The following CRTC3 variants were observed in gnomAD, a reference collection of about 807,000 sequenced individuals.
CRTC3 encodes the protein CREB regulated transcription coactivator 3.
CRTC3 carries 26 observed loss-of-function variants against 74.5 expected under a neutral mutation model. That is an observed-to-expected ratio of 0.35 (90% confidence interval 0.26 to 0.48). The LOEUF is 0.48. CRTC3 is among the 20% of genes least tolerant of loss of function. The pLI is 0.99. For missense variants in CRTC3, 760 were observed against 787.3 expected (o/e 0.97, Z 0.41); for synonymous variants, 377 against 325.8 (o/e 1.16, Z -1.69).
intron 2 of CRTC3, among the ~76,000 whole-genome samples, chr15:90,569,789 A>C (rs1967218562): frequency 6.6e-6 from 1 of 152,012 alleles, no homozygotes. Flanking sequence ...TATATTGCCT[A>C]GGCTGACATC....
intron 2 of CRTC3, among the ~76,000 whole-genome samples, chr15:90,566,801 C>G (rs1390720737): frequency 6.6e-6 from 1 of 151,450 alleles, no homozygotes; most frequent in African/African-American, 2.4e-5. Flanking sequence ...ACATCCACCT[C>G]CCAAGTTCAA....
intron 4 of CRTC3, 98 bp downstream of exon 4, chr15:90,602,483 A>G: frequency 2.7e-6 from 2 of 729,704 alleles, no homozygotes; most frequent in Non-Finnish European, 4.8e-6. Context: ...TTTCTAATAT[A>G]AAGCATAGAA....
intron 2 of CRTC3, among the ~76,000 whole-genome samples, chr15:90,549,704 CTT>C (rs11322295): frequency 1.4e-3 from 157 of 110,026 alleles, no homozygotes; most frequent in Non-Finnish European, 1.7e-3. Flanking sequence ...TATTCTTTTT[CTT>C]TTTTTTTTTT....
intron 5 of CRTC3, among the ~76,000 whole-genome samples, chr15:90,605,244 G>A (rs1050518602): frequency 1.3e-5 from 2 of 152,008 alleles, no homozygotes; most frequent in Non-Finnish European, 1.5e-5. Flanking sequence ...AGAGAGAGAC[G>A]CTGTCTCAAA....
Position 90,629,920 on chromosome 15 carries a change from C to T in CRTC3, c.1266+388C>T, listed in dbSNP as rs551269611. Among the ~76,000 whole-genome samples, 118 of 152,124 alleles carry T rather than the reference C, an allele frequency of 7.8e-4. No individual in the cohort carries two copies. The South Asian group carries it at 0.01, about 13-fold the overall frequency. On this transcript the variant is annotated intron_variant, in intron 11 of 14. Coordinates refer to ENST00000268184, the MANE Select transcript of CRTC3 (RefSeq NM_022769.5). ...TGATTTTTTTGTAGAGACAAGTTCT[C>T]GATATGTTGCCCAAGCTGGTCTCAA...
intron 1 of CRTC3, among the ~76,000 whole-genome samples, chr15:90,535,982 T>G (rs1456420670): frequency 6.6e-6 from 1 of 152,256 alleles, no homozygotes; most frequent in Non-Finnish European, 1.5e-5. Context: ...ATTTCCCTCA[T>G]AAGGATCTTC....
rs139166882 is a variant in CRTC3, at chr15:90,634,787, C to T, written c.1267-3659C>T. The T allele has an allele frequency of 5.1e-5, 64 of 1,264,966 alleles. 1 individual carries two copies. Among genetic ancestry groups the T allele is most frequent in the African/African-American group, 3.8e-4 (26 of 67,690 alleles). The allele number at this position is 1,264,966 out of a possible 1,614,324, so 78.4% of individuals were successfully genotyped here. ...CTGACTGAGTATTGGTTGGAAGGAGCGCTGCTAAAACTGTAACCAAAGGAG... is the reference window on the plus strand; with the variant it reads ...CTGACTGAGTATTGGTTGGAAGGAGTGCTGCTAAAACTGTAACCAAAGGAG... On this transcript the variant is annotated intron_variant, in intron 11 of 14. Coordinates refer to ENST00000268184, the MANE Select transcript of CRTC3 (RefSeq NM_022769.5).
chr15:90,622,076 C>T (rs897291474), intron 9 of CRTC3, among the ~76,000 whole-genome samples: 7 of 152,100 alleles, frequency 4.6e-5, no homozygotes, highest in Non-Finnish European at 7.3e-5. Context: ...TGTGAAGCGA[C>T]GCAGAGAGGG....
intron 6 of CRTC3, among the ~76,000 whole-genome samples, chr15:90,607,819 C>T (rs1374753576): frequency 6.6e-6 from 1 of 152,122 alleles, no homozygotes; most frequent in African/African-American, 2.4e-5. Context: ...CCCCAAGAGT[C>T]CTCTTTCCCC....
At chr15:90,581,130 A>G (rs891697301) in intron 2 of CRTC3, among the ~76,000 whole-genome samples, 1 of 152,128 alleles carries the variant, frequency 6.6e-6, no homozygotes, top group Non-Finnish European at 1.5e-5. Context: ...GGTGGCGGCT[A>G]GATGGCCTTT....
intron 2 of CRTC3, among the ~76,000 whole-genome samples, chr15:90,556,867 G>A (rs934677157): frequency 6.6e-6 from 1 of 150,948 alleles, no homozygotes; most frequent in African/African-American, 2.4e-5. Context: ...TTGCTTAATA[G>A]TATGTATTGA....
At chr15:90,534,490 T>C (rs1966684947) in intron 1 of CRTC3, among the ~76,000 whole-genome samples, 1 of 152,206 alleles carries the variant, frequency 6.6e-6, no homozygotes, top group Non-Finnish European at 1.5e-5. Context: ...GGAACAGATA[T>C]TGTAAACTGG....
chr15:90,556,958 CTATATATATATATA>C (rs6145675), intron 2 of CRTC3, among the ~76,000 whole-genome samples: 1,789 of 130,524 alleles, frequency 0.014, 42 homozygotes, highest in African/African-American at 0.041. Context: ...CACCACATGG[CTATATATATATATA>C]TATATATATA....
chr15:90,580,433 T>C (rs1325071335), intron 2 of CRTC3, among the ~76,000 whole-genome samples: 1 of 151,714 alleles, frequency 6.6e-6, no homozygotes, highest in Admixed American at 6.6e-5. Flanking sequence ...CTTCTTTTTT[T>C]TTTTTTTCCT....
In CRTC3 at chr15:90,629,249, G is replaced by C; in HGVS notation, c.983G>C (p.Arg328Pro). 1 of 1,612,718 alleles carries C rather than the reference G, an allele frequency of 6.2e-7. No individual in the cohort carries two copies. The highest frequency in any genetic ancestry group is 8.5e-7 in the Non-Finnish European group (1 of 1,178,938). ...TGTCTTCCAGGTCTCCAGAGTTCTC[G>C]GAGTAACCCCTCCATCCAAGCCACG... ...IRSSSGLQSSRSNPSIQATLN... is the reference protein window; with the variant it reads ...IRSSSGLQSSPSNPSIQATLN... The change falls in exon 11 of 15, where the codon CGG (arginine) becomes CCG (proline). Residue 328 changes from arginine to proline, a missense_variant. Physicochemically the swap from Arg to Pro is moderately radical, Grantham distance 103. Around this residue, in one of 2 missense-constraint regions of CRTC3, gnomAD observed 652 missense variants for 635.2 expected, o/e 1.03. Coordinates refer to ENST00000268184, the MANE Select transcript of CRTC3 (RefSeq NM_022769.5).
chr15:90,605,183 G>A (rs1968184642), intron 5 of CRTC3, among the ~76,000 whole-genome samples: 1 of 152,154 alleles, frequency 6.6e-6, no homozygotes, highest in African/African-American at 2.4e-5. Context: ...AGCCCAAGGA[G>A]GTTGAGGCTG....
At chr15:90,602,485 A>G (rs1224082514) in intron 4 of CRTC3, 100 bp downstream of exon 4, 2 of 721,628 alleles carry the variant, frequency 2.8e-6, no homozygotes, top group Non-Finnish European at 2.4e-6. Flanking sequence ...TCTAATATAA[A>G]GCATAGAATC....
intron 2 of CRTC3, among the ~76,000 whole-genome samples, chr15:90,583,662 C>A (rs1967593933): frequency 6.6e-6 from 1 of 152,070 alleles, no homozygotes; most frequent in Non-Finnish European, 1.5e-5. Flanking sequence ...CTTCCAAAAC[C>A]CAGAACAGCT....
At chr15:90,606,282 C>T (rs1207073443) in intron 5 of CRTC3, among the ~76,000 whole-genome samples, 1 of 151,700 alleles carries the variant, frequency 6.6e-6, no homozygotes, top group African/African-American at 2.4e-5. Flanking sequence ...ATAAAATAGG[C>T]CAGGCACAGT....
Sources: gnomAD v4.1 joint callset for allele counts (sites outside exome capture counted in the v4.1 genomes callset) on GRCh38, gnomAD v4.1.1 for gene constraint, gnomAD v4.1.1 regional missense constraint, MANE v1.5 for transcripts, NCBI Gene and HGNC (gene_info 2026-07-23, HGNC 2026-07-21) for gene names.